Variants in AANAT observed in about 807,000 individuals in gnomAD.
The protein encoded by AANAT is aralkylamine N-acetyltransferase, also known as serotonin N-acetyltransferase.
In AANAT, 11 loss-of-function variants were observed where a neutral mutation model predicts 15.6. That is an observed-to-expected ratio of 0.71 (90% CI 0.44 to 1.17). The LOEUF (loss-of-function observed/expected upper bound fraction) is 1.17. AANAT is among the 50% of genes most tolerant of loss of function. AANAT has a pLI of 0.00. For missense variants in AANAT, 286 were observed against 296.3 expected, an observed-to-expected ratio of 0.97 and a Z score of 0.26; for synonymous variants, 139 against 131.5, an observed-to-expected ratio of 1.06 and a Z score of -0.39.
At chr17:76,459,918 T>A (rs1467247100) in intron 2 of AANAT, among the ~76,000 whole-genome samples, 2 of 152,198 alleles carry the variant, frequency 1.3e-5, no homozygotes, top group Non-Finnish European at 2.9e-5. Context: ...CCAGGCCGTC[T>A]AATCTGTCTG....
intron 1 of AANAT, among the ~76,000 whole-genome samples, chr17:76,455,122 G>A (rs189883401): frequency 0.019 from 2,818 of 149,374 alleles, 210 homozygotes; most frequent in Admixed American, 0.14. Context: ...GTGAGATTCC[G>A]TCTCAAAAAA....
rs1399415761 is a variant in AANAT, at chr17:76,469,003, G to C, written c.163+94G>C. The C allele has an allele frequency of 1.1e-5, 16 of 1,491,766 alleles. No individual in the cohort carries two copies. The highest frequency in any genetic ancestry group is 1.4e-5 in the Non-Finnish European group (15 of 1,092,180). The allele number at this position is 1,491,766 out of a possible 1,614,324, so 92.4% of individuals were successfully genotyped here. A position where few individuals can be genotyped will look rare whatever the true frequency, so the allele number is the denominator to read the frequency against. On this transcript the variant is annotated intron_variant, in intron 2 of 3. Coordinates refer to ENST00000392492, the MANE Select transcript of AANAT (RefSeq NM_001088.3). The surrounding 1 kb of genome is among the most constrained non-coding windows in gnomAD (Gnocchi z 5.2). ...CTTAGTCTCCTGTCCTTGGAGGCTG[G>C]GTCCCAGAGTATCAGACCATGTGTG...
At chr17:76,460,479 T>A (rs546161849) in intron 2 of AANAT, among the ~76,000 whole-genome samples, 59 of 152,114 alleles carry the variant, frequency 3.9e-4, no homozygotes, top group African/African-American at 1.4e-3. Flanking sequence ...TTAAAAAAAA[T>A]AATAGAGAGA....
In AANAT at chr17:76,469,348, C is replaced by G; in HGVS notation, c.318+21C>G. On this transcript the variant is annotated intron_variant, in intron 3 of 3. Transcript: ENST00000392492. This position sits in a 1 kb window ranked among gnomAD's most constrained non-coding sequence, Gnocchi z 5.2. ...TGCAGGTGAGGACAGGGCTGCGACG[C>G]CCAGCTCCAGGGAGGCCTCTGAAGA... 6.2e-7 allele frequency: 1 copy of G among 1,613,066 alleles called. No individual in the cohort carries two copies. Among genetic ancestry groups the G allele is most frequent in the South Asian group, 1.1e-5 (1 of 91,050 alleles).
chr17:76,469,055 G>C lies in AANAT; in HGVS notation c.164-118G>C. On this transcript the variant is annotated intron_variant, in intron 2 of 3. Transcript: ENST00000392492. This position sits in a 1 kb window ranked among gnomAD's most constrained non-coding sequence, Gnocchi z 5.2. The stretch of plus-strand genomic sequence containing the variant: ...GCTCAAGAAAGTGGGGGAAACAGCA[G>C]CCCTAACCCCCATTTTCCTGTGGGG... The C allele has an allele frequency of 6.6e-7, 1 of 1,518,794 alleles. No individual in the cohort carries two copies. Among genetic ancestry groups the C allele is most frequent in the South Asian group, 1.2e-5 (1 of 81,518 alleles). 94.1% of individuals were successfully genotyped at this position (1,518,794 alleles called of 1,614,324 possible).
At chr17:76,465,157 G>C (rs1224142250), upstream of AANAT, among the ~76,000 whole-genome samples, 1 of 152,110 alleles carries the variant, frequency 6.6e-6, no homozygotes, top group Non-Finnish European at 1.5e-5. Context: ...ACGACTTGGG[G>C]GGCAAAGGAC....
chr17:76,469,715 G>C lies in AANAT; in HGVS notation c.369G>C (p.Val123=). 1.3e-6 allele frequency: 2 copies of C among 1,538,564 alleles called. No individual in the cohort carries two copies. Among genetic ancestry groups the C allele is most frequent in the Non-Finnish European group, 1.8e-6 (2 of 1,141,030 alleles). The part of the protein sequence containing the change: ...RSGGHIAHLH[V]LAVHRAFRQQ... Reference sequence around the variant, plus strand: ...GGGGCCACATAGCCCACCTGCATGTGCTGGCCGTGCACCGCGCCTTCCGGC... The same window carrying C: ...GGGGCCACATAGCCCACCTGCATGTCCTGGCCGTGCACCGCGCCTTCCGGC... Residue 123 remains valine (V), a synonymous_variant, in exon 4 of 4, where the codon GTG becomes GTC. Transcript: ENST00000392492. This position sits in a 1 kb window ranked among gnomAD's most constrained non-coding sequence, Gnocchi z 5.2.
At chr17:76,463,696 C>T (rs1172535560), upstream of AANAT, among the ~76,000 whole-genome samples, 2 of 152,140 alleles carry the variant, frequency 1.3e-5, no homozygotes, top group Non-Finnish European at 2.9e-5. Flanking sequence ...ATTTCAGGCT[C>T]TATCTGCCCC....
chr17:76,467,420 C>A, upstream of AANAT: 1 of 475,932 alleles, frequency 2.1e-6, no homozygotes, highest in Non-Finnish European at 2.7e-6. Context: ...CTTCCCCAAA[C>A]CCTGGGGCCT....
chr17:76,466,494 G>C (rs371655993), upstream of AANAT, among the ~76,000 whole-genome samples: 9 of 151,762 alleles, frequency 5.9e-5, no homozygotes, highest in South Asian at 2.1e-4. Flanking sequence ...CTTCCTCTGC[G>C]GGGGGGTCGA....
upstream of AANAT, among the ~76,000 whole-genome samples, chr17:76,466,741 T>C (rs2143975541): frequency 6.6e-6 from 1 of 152,304 alleles, no homozygotes; most frequent in South Asian, 2.1e-4. Context: ...TTGGCCGGGC[T>C]TCCGTGTGGA....
upstream of AANAT, among the ~76,000 whole-genome samples, chr17:76,465,302 A>G (rs1173331446): frequency 2.0e-5 from 3 of 150,868 alleles, no homozygotes; most frequent in Admixed American, 2.0e-4. Context: ...CGTGAGGATG[A>G]TCTCGGAGGT....
chr17:76,457,992 T>C (rs1452329854), intron 1 of AANAT, among the ~76,000 whole-genome samples: 1 of 152,182 alleles, frequency 6.6e-6, no homozygotes, highest in Non-Finnish European at 1.5e-5. Flanking sequence ...GCTGAGATTG[T>C]GCCACTGCAC....
chr17:76,455,636 AT>A lies in AANAT; in HGVS notation c.-576+1856del, dbSNP rs370618382. Among the ~76,000 whole-genome samples, 372 of 124,542 alleles carry A rather than the reference AT, an allele frequency of 3.0e-3. 6 individuals are homozygous for A. The highest frequency in any genetic ancestry group is 9.1e-3 in the African/African-American group (336 of 36,818). 81.7% of individuals were successfully genotyped at this position (124,542 alleles called of 152,430 possible). On this transcript the variant is annotated intron_variant, in intron 1 of 6. Transcript: ENST00000250615. ...TCAACGAAAGACTAGTAAGTTGGAT[AT>A]TACAGTATTTAGGTTCTTCAAAGAA...
chr17:76,467,848 G>A (rs2073456380), intron 1 of AANAT, 121 bp downstream of exon 1: 3 of 639,866 alleles, frequency 4.7e-6, no homozygotes, highest in Non-Finnish European at 5.8e-6. Context: ...TTGGAAGGTG[G>A]AGGGAGGGAT....
At chr17:76,455,890 G>T (rs1173988438) in intron 1 of AANAT, among the ~76,000 whole-genome samples, 1 of 152,202 alleles carries the variant, frequency 6.6e-6, no homozygotes, top group African/African-American at 2.4e-5. Context: ...GCGCATGCTT[G>T]TAGTCCCAGC....
intron 1 of AANAT, among the ~76,000 whole-genome samples, chr17:76,456,376 C>A (rs2073343803): frequency 6.6e-6 from 1 of 151,526 alleles, no homozygotes; most frequent in South Asian, 2.1e-4. Flanking sequence ...CAGATGGCAG[C>A]CTAAGTACTT....
chr17:76,466,744 C>T (rs2073442035), upstream of AANAT, among the ~76,000 whole-genome samples: 2 of 152,120 alleles, frequency 1.3e-5, no homozygotes, highest in Admixed American at 1.3e-4. Flanking sequence ...GCCGGGCTTC[C>T]GTGTGGATTA....
chr17:76,466,528 G>A (rs552418101), upstream of AANAT, among the ~76,000 whole-genome samples: 15 of 151,154 alleles, frequency 9.9e-5, no homozygotes, highest in African/African-American at 3.4e-4. Flanking sequence ...TGAGGACACT[G>A]AAAACCAGCA....
Sources: allele counts gnomAD v4.1 joint callset (sites outside exome capture counted in the v4.1 genomes callset), GRCh38; gene constraint gnomAD v4.1.1; non-coding constraint Gnocchi (gnomAD v3.1); transcripts MANE v1.5; gene names NCBI Gene and HGNC (gene_info 2026-07-23, HGNC 2026-07-21).